The following CACNA1A variants were observed in gnomAD, a reference collection of about 807,000 sequenced individuals.
CACNA1A encodes voltage-dependent P/Q-type calcium channel subunit alpha-1A.
In CACNA1A, 57 loss-of-function variants were observed where a neutral mutation model predicts 262.4. The ratio of observed to expected loss-of-function variants is 0.22; its 90% CI spans 0.18 to 0.27. CACNA1A has a LOEUF of 0.27. CACNA1A is among the 10% of genes least tolerant of loss of function. The probability of loss-of-function intolerance (pLI) is 1.00; values close to 1 mark genes in which losing one functional copy is unlikely to be tolerated. For missense variants in CACNA1A, 2,526 were observed against 3,562.8 expected (o/e 0.71, Z 7.41); for synonymous variants, 1,431 against 1,419.3 (o/e 1.01, Z -0.18).
At chr19:13,261,845 T>C in intron 25 of CACNA1A, 1 of 485,100 alleles carries the variant, frequency 2.1e-6, no homozygotes, top group Non-Finnish European at 3.7e-6. Flanking sequence ...CCAGAGATGC[T>C]TTTAAGTGAT....
rs781021868 is a variant in CACNA1A at position 13,214,931 on chromosome 19, G to A, written c.5732-323C>T. 3.4e-4 allele frequency: 100 copies of A among 296,570 alleles called. 1 individual carries two copies. The highest frequency in any genetic ancestry group is 5.2e-4 in the Non-Finnish European group (81 of 156,946). 18.4% of individuals were successfully genotyped at this position (296,570 alleles called of 1,614,324 possible). A position where few individuals can be genotyped will look rare whatever the true frequency, so the allele number is the denominator to read the frequency against. On this transcript the variant is annotated intron_variant, in intron 38 of 46. Transcript: ENST00000360228. This position sits in a 1 kb window ranked among gnomAD's most constrained non-coding sequence, Gnocchi z 4.1. ...ATGACTTAGGTTACTCTACCACTTA[G>A]TAACTCAGTTTCTCCATCTGTGAAA... is the stretch of plus-strand genomic sequence containing the variant.
intron 3 of CACNA1A, among the ~76,000 whole-genome samples, chr19:13,410,530 ATTC>A (rs1318260643): frequency 8.7e-6 from 1 of 115,394 alleles, no homozygotes; most frequent in Non-Finnish European, 1.7e-5. Flanking sequence ...TTTTTTCTTT[ATTC>A]TTTTTTCTTT....
At chr19:13,321,019 C>A (rs1009238847) in intron 10 of CACNA1A, among the ~76,000 whole-genome samples, 2 of 142,660 alleles carry the variant, frequency 1.4e-5, no homozygotes, top group Non-Finnish European at 3.0e-5. Flanking sequence ...CTGAAATGTT[C>A]TTTTCCTTTT....
intron 1 of CACNA1A, among the ~76,000 whole-genome samples, chr19:13,458,991 G>A (rs115805481): frequency 0.016 from 2,464 of 152,214 alleles, 59 homozygotes; most frequent in African/African-American, 0.055. Context: ...GGCTGTCTGG[G>A]CACTGCAGCA....
intron 1 of CACNA1A, among the ~76,000 whole-genome samples, chr19:13,471,718 T>C (rs959926756): frequency 3.9e-5 from 6 of 152,018 alleles, no homozygotes; most frequent in Non-Finnish European, 8.8e-5. Flanking sequence ...AGAGCCAGTA[T>C]AGGTAAATCC....
chr19:13,432,126 A>T (rs1280279121), intron 3 of CACNA1A, among the ~76,000 whole-genome samples: 1 of 143,996 alleles, frequency 6.9e-6, no homozygotes, highest in Non-Finnish European at 1.5e-5. Context: ...AAAAAAAAAA[A>T]TTTTAGGCCA....
At chr19:13,303,523 A>T in intron 17 of CACNA1A, 23 bp downstream of exon 17, 1 of 1,356,980 alleles carries the variant, frequency 7.4e-7, no homozygotes. Flanking sequence ...TTTGCCAGAG[A>T]AACATTCTCC....
chr19:13,253,340 G>A (rs777622100), intron 29 of CACNA1A, among the ~76,000 whole-genome samples: 5 of 150,224 alleles, frequency 3.3e-5, no homozygotes, highest in Non-Finnish European at 7.4e-5. Flanking sequence ...TTTGGTAGAC[G>A]GGGTCTTCCT....
chr19:13,392,804 T>C (rs988531097), intron 3 of CACNA1A, among the ~76,000 whole-genome samples: 1 of 152,168 alleles, frequency 6.6e-6, no homozygotes, highest in African/African-American at 2.4e-5. Context: ...TGGAGTACAG[T>C]AGTGCAATCT....
At chr19:13,283,007 A>C (rs2057326222) in intron 22 of CACNA1A, among the ~76,000 whole-genome samples, 1 of 152,140 alleles carries the variant, frequency 6.6e-6, no homozygotes, top group Non-Finnish European at 1.5e-5. Flanking sequence ...CCTCCATTAG[A>C]GAATCCAGCA....
chr19:13,446,147 T>C (rs1441924199), intron 3 of CACNA1A, among the ~76,000 whole-genome samples: 2 of 150,658 alleles, frequency 1.3e-5, no homozygotes, highest in African/African-American at 4.9e-5. Flanking sequence ...CAGCAGTGCA[T>C]GCCTGTAGTC....
intron 24 of CACNA1A, among the ~76,000 whole-genome samples, chr19:13,266,321 C>T (rs1378604179): frequency 6.6e-6 from 1 of 151,928 alleles, no homozygotes; most frequent in African/African-American, 2.4e-5. Flanking sequence ...ATCCTTCAGT[C>T]TCAGCCTCCC....
chr19:13,461,576 G>A (rs554733912), intron 1 of CACNA1A, among the ~76,000 whole-genome samples: 62 of 152,308 alleles, frequency 4.1e-4, no homozygotes, highest in African/African-American at 1.3e-3. Context: ...GAGATGCCTC[G>A]CCCGAGGCAG....
chr19:13,402,383 G>T (rs993379402), intron 3 of CACNA1A, among the ~76,000 whole-genome samples: 1 of 152,070 alleles, frequency 6.6e-6, no homozygotes, highest in Non-Finnish European at 1.5e-5. Context: ...TAGAGACTTG[G>T]GGGGAAGAGT....
intron 1 of CACNA1A, among the ~76,000 whole-genome samples, chr19:13,497,508 AAAAAAAAAAAAAAATATATATATATATAT>A (rs1981723670): frequency 4.6e-5 from 2 of 43,782 alleles, no homozygotes; most frequent in African/African-American, 9.3e-5. Context: ...AAAAAAAAAA[AAAAAAAAAAAAAAATATATATATATATAT>A]ATATATATAT....
intron 11 of CACNA1A, 140 bp from the exon 12 acceptor site, chr19:13,312,921 T>C (rs2058060636): frequency 1.9e-6 from 1 of 517,680 alleles, no homozygotes; most frequent in South Asian, 3.1e-5. Flanking sequence ...GCTGTTAGGC[T>C]GGTTTCAAAC....
intron 1 of CACNA1A, among the ~76,000 whole-genome samples, chr19:13,477,147 C>T (rs1978649006): frequency 6.6e-6 from 1 of 152,202 alleles, no homozygotes; most frequent in African/African-American, 2.4e-5. Flanking sequence ...ATACCCCTAC[C>T]TCAGGGCCTT....
Position 13,234,710 on chromosome 19 carries a change from TCGGAAGAGAAGGCCGGCACGTCCCCTAC to T in CACNA1A, c.5249+183_5249+210del, listed in dbSNP as rs1482384372. The T allele has an allele frequency of 1.3e-4, 71 of 547,342 alleles. 1 individual carries two copies. Among genetic ancestry groups the T allele is most frequent in the Non-Finnish European group, 8.2e-5 (25 of 305,530 alleles). The allele number at this position is 547,342 out of a possible 1,614,324, so 33.9% of individuals were successfully genotyped here. A position where few individuals can be genotyped will look rare whatever the true frequency, so the allele number is the denominator to read the frequency against. On this transcript the variant is annotated intron_variant, in intron 34 of 46. Transcript: ENST00000360228. The stretch of plus-strand genomic sequence containing the variant: ...AAGGAGGAGGAGGGCACGCCCCCTA[TCGGAAGAGAAGGCCGGCACGTCCCCTAC>T]CGGAAGAGAAGGGCACGCCCCCTAC...
chr19:13,332,891 C>T lies in CACNA1A; in HGVS notation c.1233G>A (p.Gly411=), dbSNP rs764453012. 19 of 1,612,654 alleles carry T rather than the reference C, an allele frequency of 1.2e-5. No individual in the cohort carries two copies. The highest frequency in any genetic ancestry group is 1.4e-5 in the Non-Finnish European group (17 of 1,179,032). Residue 411 remains glycine (G), a synonymous_variant, in exon 9 of 47, where the codon GGG becomes GGA. Coordinates refer to ENST00000360228, the MANE Select transcript of CACNA1A (RefSeq NM_001127222.2). ...TACCATCAAAGGGATGCCTCTGCTCCCCGTCAGTTTCATCCTCGGCGAGGA... is the reference window on the plus strand; with the variant it reads ...TACCATCAAAGGGATGCCTCTGCTCTCCGTCAGTTTCATCCTCGGCGAGGA... ...EVILAEDETD[G]EQRHPFDALR... is the part of the protein sequence containing the mutation.
Sources: gnomAD v4.1 joint callset for allele counts (sites outside exome capture counted in the v4.1 genomes callset) on GRCh38, gnomAD v4.1.1 for gene constraint, Gnocchi (gnomAD v3.1) non-coding constraint, MANE v1.5 for transcripts, NCBI Gene and HGNC (gene_info 2026-07-23, HGNC 2026-07-21) for gene names.